CERS6: variants seen among roughly 807,000 people sequenced by gnomAD.
The protein encoded by CERS6 is LAG1 homolog, ceramide synthase 6.
A neutral mutation model predicts 56.8 loss-of-function variants in CERS6; 26 were observed. The observed-to-expected ratio is 0.46, with a 90% CI of 0.34 to 0.63. The LOEUF is 0.63. Among genes scored for constraint, CERS6 ranks in the 30% least tolerant of loss-of-function variants. The pLI is 0.01. For missense variants in CERS6, 415 were observed against 467.5 expected, an observed-to-expected ratio of 0.89 and a Z score of 1.04; for synonymous variants, 164 against 173.3, an observed-to-expected ratio of 0.95 and a Z score of 0.42.
At chr2:168,478,898 C>G (rs746702719) in intron 1 of CERS6, among the ~76,000 whole-genome samples, 1 of 152,138 alleles carries the variant, frequency 6.6e-6, no homozygotes, top group Non-Finnish European at 1.5e-5. Context: ...TTATGTTTAA[C>G]AAAAATTCTC....
intron 4 of CERS6, among the ~76,000 whole-genome samples, chr2:168,686,115 C>T (rs1216068499): frequency 6.8e-6 from 1 of 146,940 alleles, no homozygotes; most frequent in South Asian, 2.3e-4. Flanking sequence ...AATTTCTCAT[C>T]GTTCTGGAGG....
chr2:168,571,939 T>C (rs533840843), intron 3 of CERS6, among the ~76,000 whole-genome samples: 1 of 152,334 alleles, frequency 6.6e-6, no homozygotes, highest in Admixed American at 6.5e-5. Flanking sequence ...CTATTTACAA[T>C]GTCCTAGCAG....
intron 4 of CERS6, among the ~76,000 whole-genome samples, chr2:168,652,436 C>G (rs192609216): frequency 2.8e-4 from 42 of 152,166 alleles, no homozygotes; most frequent in African/African-American, 9.6e-4. Context: ...GCCACGTAGC[C>G]AACACCTGAG....
chr2:168,720,674 G>T (rs1338978998), intron 8 of CERS6, among the ~76,000 whole-genome samples: 2 of 152,112 alleles, frequency 1.3e-5, no homozygotes, highest in African/African-American at 4.8e-5. Context: ...AACACTAAGT[G>T]ATTTTATGTC....
chr2:168,764,645 G>A (rs1352829201), intron 8 of CERS6, among the ~76,000 whole-genome samples: 2 of 151,582 alleles, frequency 1.3e-5, no homozygotes, highest in Admixed American at 1.3e-4. Flanking sequence ...CCTGTGCTAG[G>A]CATATGGCTT....
In CERS6 at chr2:168,559,733, T is replaced by TTTTTTATATATATATATATATA. The variant is rs61031993; in HGVS notation, c.277-1459_277-1458insTTTTTATATATATATATATATA. Among the ~76,000 whole-genome samples the TTTTTTATATATATATATATATA allele has an allele frequency of 5.4e-3, 361 of 66,270 alleles. 33 individuals carry two copies. Among genetic ancestry groups the TTTTTTATATATATATATATATA allele is most frequent in the Admixed American group, 0.05 (276 of 5,558 alleles). The allele number at this position is 66,270 out of a possible 152,430, so 43.5% of individuals were successfully genotyped here. The stretch of plus-strand genomic sequence containing the variant: ...TGCTTGAGCTGCTTTTAGAAAGGTA[T>TTTTTTATATATATATATATATA]CATATATATATATATATATATTTCA... On this transcript the variant is annotated intron_variant, in intron 2 of 9. Transcript: ENST00000305747.
chr2:168,695,040 A>G lies in CERS6; in HGVS notation c.598A>G (p.Ile200Val), dbSNP rs757305443. The G allele has an allele frequency of 5.6e-6, 9 of 1,612,436 alleles. No homozygotes were observed. The South Asian group carries it at 9.9e-5, about 18-fold the overall frequency. Residue 200 changes from isoleucine to valine, a missense_variant, in exon 6 of 10, where the codon ATC becomes GTC. Transcript: ENST00000305747. ...TTTGATGTTTTCTCAGTTCACTGAT[A>G]TCAAAAGAAAGGTAAGAGCGGTTAT... ...WSLMFSQFTD[I>V]KRKDFGIMFL... is the part of the protein sequence containing the mutation.
intron 2 of CERS6, among the ~76,000 whole-genome samples, chr2:168,548,369 C>T (rs1168676440): frequency 6.6e-6 from 1 of 152,092 alleles, no homozygotes; most frequent in Non-Finnish European, 1.5e-5. Context: ...CTGCCCCCAT[C>T]CCAAGTTCAG....
intron 1 of CERS6, among the ~76,000 whole-genome samples, chr2:168,476,551 T>C (rs1694074153): frequency 6.6e-6 from 1 of 152,156 alleles, no homozygotes; most frequent in Non-Finnish European, 1.5e-5. Context: ...TCACATGATC[T>C]TGGTGGCTGA....
At chr2:168,690,964 A>G in intron 4 of CERS6, 70 bp from the exon 5 acceptor site, 2 of 1,390,370 alleles carry the variant, frequency 1.4e-6, no homozygotes, top group East Asian at 2.3e-5. Context: ...GCAAGAGCCT[A>G]TTGTAAACCT....
At chr2:168,519,150 A>G (rs1285006304) in intron 1 of CERS6, among the ~76,000 whole-genome samples, 1 of 152,328 alleles carries the variant, frequency 6.6e-6, no homozygotes, top group East Asian at 1.9e-4. Flanking sequence ...GTACATCATA[A>G]ATATGGGTTA....
intron 2 of CERS6, among the ~76,000 whole-genome samples, chr2:168,556,037 G>A (rs1695673279): frequency 6.6e-6 from 1 of 151,864 alleles, no homozygotes; most frequent in Non-Finnish European, 1.5e-5. Context: ...TGGTGACATG[G>A]TTACTATAGT....
At chr2:168,665,454 C>A (rs1303352208) in intron 4 of CERS6, among the ~76,000 whole-genome samples, 1 of 152,144 alleles carries the variant, frequency 6.6e-6, no homozygotes, top group Non-Finnish European at 1.5e-5. Flanking sequence ...AAGCTCGTCC[C>A]ATGGGAGATC....
intron 8 of CERS6, among the ~76,000 whole-genome samples, chr2:168,734,572 G>A (rs149323342): frequency 1.2e-4 from 18 of 152,226 alleles, no homozygotes; most frequent in African/African-American, 3.6e-4. Flanking sequence ...ACATGCACAC[G>A]CACACATCAG....
intron 3 of CERS6, among the ~76,000 whole-genome samples, chr2:168,601,255 A>C (rs1342059241): frequency 6.6e-6 from 1 of 152,230 alleles, no homozygotes; most frequent in East Asian, 1.9e-4. Flanking sequence ...ACATAAGGTC[A>C]CGGCCTAATC....
chr2:168,565,528 T>A (rs954618411), intron 3 of CERS6, among the ~76,000 whole-genome samples: 17 of 152,206 alleles, frequency 1.1e-4, no homozygotes, highest in African/African-American at 4.1e-4. Context: ...ATTTTTCTAT[T>A]ATATAAGTTC....
chr2:168,728,933 C>T (rs1039961007), intron 8 of CERS6, among the ~76,000 whole-genome samples: 1 of 150,424 alleles, frequency 6.6e-6, no homozygotes, highest in Non-Finnish European at 1.5e-5. Flanking sequence ...TTGCCAGAAC[C>T]CGGGATGCGG....
chr2:168,683,208 C>G (rs1016349941), intron 4 of CERS6, among the ~76,000 whole-genome samples: 3 of 152,042 alleles, frequency 2.0e-5, no homozygotes, highest in African/African-American at 7.2e-5. Flanking sequence ...CCAAATTACC[C>G]TTTAGAAAGG....
intron 1 of CERS6, among the ~76,000 whole-genome samples, chr2:168,470,993 T>C (rs774200059): frequency 6.2e-5 from 9 of 146,164 alleles, no homozygotes; most frequent in Middle Eastern, 7.2e-3. Context: ...TGTGGGTCTC[T>C]AAGCTTTAAA....
Sources: allele counts gnomAD v4.1 joint callset (sites outside exome capture counted in the v4.1 genomes callset), GRCh38; gene constraint gnomAD v4.1.1; transcripts MANE v1.5; gene names NCBI Gene and HGNC (gene_info 2026-07-23, HGNC 2026-07-21).